RBFOX1: variants seen among roughly 807,000 people sequenced by gnomAD.
RBFOX1 encodes RNA binding protein fox-1 homolog 1.
Under a neutral mutation model 57.7 loss-of-function variants are expected in RBFOX1, and 8 were observed. The ratio of observed to expected loss-of-function variants is 0.14; its 90% CI spans 0.08 to 0.25. The LOEUF (loss-of-function observed/expected upper bound fraction) is 0.25. Ranked by LOEUF, RBFOX1 falls within the 10% of genes least tolerant of loss-of-function variation. The pLI, the probability that RBFOX1 is intolerant of heterozygous loss-of-function variation, is 1.00. For synonymous variants in RBFOX1, 326 were observed against 222.4 expected (o/e 1.47, Z -4.15); for missense variants, 611 against 548.5 (o/e 1.11, Z -1.14).
chr16:7,393,519 C>A (rs1346340908), intron 4 of RBFOX1, among the ~76,000 whole-genome samples: 2 of 152,072 alleles, frequency 1.3e-5, no homozygotes, highest in Admixed American at 1.3e-4. Flanking sequence ...TAATGCCATG[C>A]CTGAGATGGG....
chr16:6,287,689 C>G (rs759935276), intron 1 of RBFOX1, among the ~76,000 whole-genome samples: 30 of 152,094 alleles, frequency 2.0e-4, no homozygotes, highest in Non-Finnish European at 4.0e-4. Context: ...TACATAAAAG[C>G]ACACACACAT....
chr16:6,192,704 C>T (rs965597051), intron 1 of RBFOX1, among the ~76,000 whole-genome samples: 7 of 152,140 alleles, frequency 4.6e-5, no homozygotes, highest in Admixed American at 1.3e-4. Flanking sequence ...GTTTGGTTAT[C>T]TATAAATCAG....
At chr16:7,211,000 T>C (rs775264351) in intron 4 of RBFOX1, among the ~76,000 whole-genome samples, 4 of 151,944 alleles carry the variant, frequency 2.6e-5, no homozygotes, top group Non-Finnish European at 5.9e-5. Context: ...TTAAATTGCT[T>C]GACTACATAA....
At chr16:7,438,525 T>G (rs1227325629) in intron 4 of RBFOX1, among the ~76,000 whole-genome samples, 1 of 152,154 alleles carries the variant, frequency 6.6e-6, no homozygotes, top group East Asian at 1.9e-4. Flanking sequence ...CAGCCTTCCT[T>G]TAGAAGGGCG....
At chr16:5,243,433 C>T (rs1196316306) in intron 1 of RBFOX1, among the ~76,000 whole-genome samples, 1 of 152,162 alleles carries the variant, frequency 6.6e-6, no homozygotes, top group Non-Finnish European at 1.5e-5. Context: ...TTCCTTCTTG[C>T]TGAGGAGAAA....
At position 6,712,929 on chromosome 16, in the gene RBFOX1, G is replaced by C. The variant is rs1235938842; in HGVS notation, c.-16+58279G>C. On this transcript the variant is annotated intron_variant, in intron 3 of 15. Transcript: ENST00000550418. ...TTTTTCCTGTGCTGTTCTCATGATA[G>C]TGAATAACTCTCATGGGATCTGATG... is the stretch of plus-strand genomic sequence containing the variant. 4.4e-5 allele frequency among the ~76,000 whole-genome samples: 3 copies of C among 68,602 alleles called. No homozygotes were observed. In the East Asian group the frequency reaches 8.9e-4, roughly 20 times the overall value. The allele number at this position is 68,602 out of a possible 152,430, so 45.0% of individuals were successfully genotyped here.
At chr16:6,916,577 T>G (rs531155859) in intron 3 of RBFOX1, among the ~76,000 whole-genome samples, 2 of 151,482 alleles carry the variant, frequency 1.3e-5, no homozygotes, top group African/African-American at 2.4e-5. Context: ...TAAATCATCG[T>G]GACCTACACA....
intron 3 of RBFOX1, among the ~76,000 whole-genome samples, chr16:7,021,882 TCTTTCTTTCTTTC>T (rs1365156113): frequency 8.3e-6 from 1 of 120,600 alleles, no homozygotes; most frequent in African/African-American, 3.9e-5. Context: ...TCTTTCTCTC[TCTTTCTTTCTTTC>T]TTTTCTTTCT....
chr16:5,399,691 G>A (rs1462476988), intron 1 of RBFOX1, among the ~76,000 whole-genome samples: 5 of 151,538 alleles, frequency 3.3e-5, no homozygotes, highest in African/African-American at 1.2e-4. Flanking sequence ...ACCCATGCTT[G>A]CATCACTGCT....
chr16:5,315,591 A>G (rs932708884), intron 1 of RBFOX1, among the ~76,000 whole-genome samples: 1 of 152,156 alleles, frequency 6.6e-6, no homozygotes, highest in Admixed American at 6.5e-5. Flanking sequence ...AAGAATCACA[A>G]TTATGCCTGA....
chr16:6,469,498 A>G (rs1406099785), intron 2 of RBFOX1, among the ~76,000 whole-genome samples: 1 of 152,178 alleles, frequency 6.6e-6, no homozygotes, highest in Non-Finnish European at 1.5e-5. Context: ...GCACTATGCG[A>G]AAAAGAGTTA....
intron 3 of RBFOX1, among the ~76,000 whole-genome samples, chr16:6,887,193 C>G (rs771699218): frequency 1.7e-4 from 26 of 152,292 alleles, no homozygotes; most frequent in Non-Finnish European, 3.8e-4. Context: ...GCACTTCTTC[C>G]TCCTCTATCT....
At chr16:6,683,147 AT>A (rs1490765614) in intron 3 of RBFOX1, among the ~76,000 whole-genome samples, 1 of 152,140 alleles carries the variant, frequency 6.6e-6, no homozygotes, top group Non-Finnish European at 1.5e-5. Flanking sequence ...GCAGATGCGT[AT>A]TTTCCTTGGG....
intron 4 of RBFOX1, among the ~76,000 whole-genome samples, chr16:7,120,812 ATT>A (rs1373162180): frequency 1.9e-5 from 1 of 52,108 alleles, no homozygotes; most frequent in Admixed American, 2.5e-4. Context: ...TATATGTAAT[ATT>A]TTATATATGT....
chr16:7,036,264 C>G (rs1366503934), intron 3 of RBFOX1, among the ~76,000 whole-genome samples: 4 of 151,222 alleles, frequency 2.6e-5, no homozygotes, highest in Middle Eastern at 3.4e-3. Flanking sequence ...TTGACATTCT[C>G]TACAATGTGT....
intron 4 of RBFOX1, among the ~76,000 whole-genome samples, chr16:7,103,541 G>C (rs1377310518): frequency 6.6e-6 from 1 of 152,142 alleles, no homozygotes; most frequent in Non-Finnish European, 1.5e-5. Context: ...GACAAAAGCT[G>C]TGTATCAAAT....
At position 5,908,127 on chromosome 16, in the gene RBFOX1, T is replaced by TATACAC. The variant is rs1567133565; in HGVS notation, c.351+40795_351+40796insCACATA. On this transcript the variant is annotated intron_variant, in intron 4 of 19. Transcript: ENST00000641259. ...ATATATATACACATATATACACATA[T>TATACAC]ATATATACACATATATACACATATA... 1.4e-3 allele frequency among the ~76,000 whole-genome samples: 207 copies of TATACAC among 143,688 alleles called. 1 individual carries two copies. The highest frequency in any genetic ancestry group is 5.3e-3 in the African/African-American group (192 of 36,360). The allele number at this position is 143,688 out of a possible 152,430, so 94.3% of individuals were successfully genotyped here. A position where few individuals can be genotyped will look rare whatever the true frequency, so the allele number is the denominator to read the frequency against.
chr16:6,417,016 CTTTT>C (rs1156849130), intron 2 of RBFOX1, among the ~76,000 whole-genome samples: 3 of 151,744 alleles, frequency 2.0e-5, no homozygotes, highest in African/African-American at 7.3e-5. Context: ...CTCTTTCTTT[CTTTT>C]TATTTTTTTG....
chr16:6,801,493 G>A (rs1268734083), intron 3 of RBFOX1, among the ~76,000 whole-genome samples: 1 of 152,124 alleles, frequency 6.6e-6, no homozygotes, highest in Non-Finnish European at 1.5e-5. Flanking sequence ...AGTTTATAGT[G>A]ACTCAATAAA....
Sources: allele counts gnomAD v4.1 joint callset (sites outside exome capture counted in the v4.1 genomes callset), GRCh38; gene constraint gnomAD v4.1.1; transcripts MANE v1.5; gene names NCBI Gene and HGNC (gene_info 2026-07-23, HGNC 2026-07-21).